Variants in SH3D19 observed in about 807,000 individuals in gnomAD.
The protein encoded by SH3D19 is SH3 domain containing 19.
A neutral mutation model predicts 112.1 loss-of-function variants in SH3D19; 58 were observed. The observed-to-expected ratio is 0.52, with a 90% CI of 0.42 to 0.64. SH3D19 has a LOEUF of 0.64. Among genes scored for constraint, SH3D19 ranks in the 30% least tolerant of loss-of-function variants. SH3D19 has a pLI of 0.00. For synonymous variants in SH3D19, 391 were observed against 448.5 expected (o/e 0.87, Z 1.62); for missense variants, 1,090 against 1,263.4 (o/e 0.86, Z 2.08).
chr4:151,205,484 C>G (rs1046148272), intron 2 of SH3D19, among the ~76,000 whole-genome samples: 9 of 152,182 alleles, frequency 5.9e-5, no homozygotes, highest in Non-Finnish European at 1.2e-4. Flanking sequence ...GGGGGTCTGA[C>G]AAGCCCAATT....
intron 9 of SH3D19, among the ~76,000 whole-genome samples, chr4:151,151,399 T>G (rs1200514091): frequency 6.6e-6 from 1 of 152,088 alleles, no homozygotes; most frequent in Non-Finnish European, 1.5e-5. Context: ...TACATTGCTT[T>G]TTTTTTTTGT....
intron 2 of SH3D19, among the ~76,000 whole-genome samples, chr4:151,197,071 A>G (rs555040419): frequency 1.6e-3 from 238 of 152,342 alleles, no homozygotes; most frequent in Admixed American, 2.8e-3. Context: ...TACAGCCACT[A>G]TGGAAAACAG....
intron 1 of SH3D19, among the ~76,000 whole-genome samples, chr4:151,262,024 A>G (rs1036572273): frequency 6.6e-6 from 1 of 152,184 alleles, no homozygotes; most frequent in African/African-American, 2.4e-5. Flanking sequence ...AAATAAATAC[A>G]TATTCTGAAG....
chr4:151,225,447 C>G (rs1768843468), intron 2 of SH3D19, among the ~76,000 whole-genome samples: 1 of 152,160 alleles, frequency 6.6e-6, no homozygotes, highest in African/African-American at 2.4e-5. Flanking sequence ...GTGAAATACA[C>G]TCAGTGTGGT....
chr4:151,323,100 A>G (rs1389365985), intron 1 of SH3D19, among the ~76,000 whole-genome samples: 2 of 152,182 alleles, frequency 1.3e-5, no homozygotes, highest in African/African-American at 4.8e-5. Context: ...TACAAATTTC[A>G]TATGTTCTTC....
intron 2 of SH3D19, among the ~76,000 whole-genome samples, chr4:151,217,382 G>C (rs936976202): frequency 6.6e-6 from 1 of 152,116 alleles, no homozygotes; most frequent in Admixed American, 6.5e-5. Flanking sequence ...TTTTAAATTC[G>C]TAATGATATA....
intron 2 of SH3D19, among the ~76,000 whole-genome samples, chr4:151,192,962 T>C (rs535901663): frequency 1.4e-4 from 20 of 145,678 alleles, no homozygotes; most frequent in Non-Finnish European, 2.3e-4. Flanking sequence ...CAATTCTTCT[T>C]TTTTTTTTTT....
chr4:151,277,138 A>G, intron 1 of SH3D19: 3 of 1,372,086 alleles, frequency 2.2e-6, no homozygotes, highest in Non-Finnish European at 2.9e-6. Flanking sequence ...GAGTCCAGGA[A>G]GCAGGAAGCG....
At chr4:151,307,105 G>C (rs4696243) in intron 1 of SH3D19, among the ~76,000 whole-genome samples, 1 of 143,958 alleles carries the variant, frequency 6.9e-6, no homozygotes. Context: ...TGCAAGCTCC[G>C]CCTCCCAGGT....
intron 1 of SH3D19, among the ~76,000 whole-genome samples, chr4:151,242,553 C>T (rs1304707095): frequency 1.3e-5 from 2 of 152,094 alleles, no homozygotes; most frequent in African/African-American, 4.8e-5. Flanking sequence ...ACATTCCTGA[C>T]ATATCTTTAA....
At chr4:151,294,994 G>A (rs924766395) in intron 1 of SH3D19, among the ~76,000 whole-genome samples, 1 of 152,152 alleles carries the variant, frequency 6.6e-6, no homozygotes, top group Non-Finnish European at 1.5e-5. Context: ...GAGTACAAAG[G>A]TTCTGAGTTT....
At chr4:151,149,702 G>T in intron 9 of SH3D19, 141 bp from the exon 10 acceptor site, 2 of 673,984 alleles carry the variant, frequency 3.0e-6, no homozygotes, top group Non-Finnish European at 2.5e-6. Flanking sequence ...AGAGTTTTCA[G>T]CCTTAAACAA....
At chr4:151,242,962 C>A (rs1036102691) in intron 1 of SH3D19, among the ~76,000 whole-genome samples, 3 of 152,062 alleles carry the variant, frequency 2.0e-5, no homozygotes, top group African/African-American at 7.2e-5. Flanking sequence ...CTGTATGAAT[C>A]AAGAGGGAAA....
chr4:151,176,217 A>T (rs1759937716), intron 6 of SH3D19, among the ~76,000 whole-genome samples: 1 of 152,254 alleles, frequency 6.6e-6, no homozygotes, highest in Non-Finnish European at 1.5e-5. Flanking sequence ...CCTATCAAGT[A>T]TAAGTTGCTA....
intron 1 of SH3D19, among the ~76,000 whole-genome samples, chr4:151,298,576 G>A (rs11733600): frequency 0.36 from 54,346 of 151,946 alleles, 10,809 homozygotes; most frequent in Non-Finnish European, 0.46. Flanking sequence ...CCTATTAGAT[G>A]TCGAAGTAAA....
intron 1 of SH3D19, among the ~76,000 whole-genome samples, chr4:151,255,470 G>A (rs1771803987): frequency 6.6e-6 from 1 of 151,914 alleles, no homozygotes; most frequent in Admixed American, 6.5e-5. Context: ...AGATGTGATG[G>A]CGGCCGGGAA....
chr4:151,135,396 A>C lies in SH3D19; in HGVS notation c.2428-264T>G, dbSNP rs975300018. Among the ~76,000 whole-genome samples the C allele has an allele frequency of 1.7e-4, 25 of 145,160 alleles. 2 individuals are homozygous for C. Among genetic ancestry groups the C allele is most frequent in the Admixed American group, 1.4e-3 (20 of 14,266 alleles). On this transcript the variant is annotated intron_variant, in intron 14 of 19. Coordinates refer to ENST00000604030, the MANE Select transcript of SH3D19 (RefSeq NM_001378122.1). ...GAATAACCACATTAATATCACTCTA[A>C]TTCTGACTGAATTTTCTCTATCTCA...
chr4:151,139,696 T>G, intron 13 of SH3D19, 79 bp downstream of exon 13: 4 of 1,296,188 alleles, frequency 3.1e-6, no homozygotes, highest in Non-Finnish European at 4.4e-6. Context: ...AGGATGTCCT[T>G]GAGAGGCTAA....
At chr4:151,176,381 C>A in intron 6 of SH3D19, 153 bp downstream of exon 6, 1 of 508,064 alleles carries the variant, frequency 2.0e-6, no homozygotes, top group East Asian at 3.5e-5. Context: ...TCACTGCACA[C>A]CCAAATAAAG....
Sources: gnomAD v4.1 joint callset for allele counts (sites outside exome capture counted in the v4.1 genomes callset) on GRCh38, gnomAD v4.1.1 for gene constraint, MANE v1.5 for transcripts, NCBI Gene and HGNC (gene_info 2026-07-23, HGNC 2026-07-21) for gene names.